Variants in TCAF1 observed in about 807,000 individuals in gnomAD.
TCAF1 encodes the protein TRPM8 channel-associated factor 1.
TCAF1 carries 4 observed loss-of-function variants against 27.3 expected under a neutral mutation model. That is an observed-to-expected ratio of 0.15 (90% CI 0.07 to 0.34). The LOEUF (loss-of-function observed/expected upper bound fraction) is 0.34. TCAF1 is among the 10% of genes least tolerant of loss of function. The pLI is 1.00. For synonymous variants in TCAF1, 105 were observed against 167.1 expected (o/e 0.63, Z 2.87); for missense variants, 257 against 425.8 (o/e 0.60, Z 3.49).
intron 1 of TCAF1, among the ~76,000 whole-genome samples, chr7:143,881,316 A>AT (rs1813007986): frequency 6.6e-6 from 1 of 152,156 alleles, no homozygotes; most frequent in Non-Finnish European, 1.5e-5. Context: ...ACCCAGGATC[A>AT]TTTTTTCAGC....
intron 1 of TCAF1, among the ~76,000 whole-genome samples, chr7:143,884,084 G>A (rs1230715468): frequency 6.6e-6 from 1 of 152,340 alleles, no homozygotes; most frequent in Non-Finnish European, 1.5e-5. Context: ...TAAGGCTTAA[G>A]TTAGGTGAGT....
intron 1 of TCAF1, among the ~76,000 whole-genome samples, chr7:143,886,310 G>C (rs1222014914): frequency 6.6e-6 from 1 of 152,176 alleles, no homozygotes; most frequent in African/African-American, 2.4e-5. Flanking sequence ...CTCTGGAAGA[G>C]ACCATCACAA....
intron 1 of TCAF1, among the ~76,000 whole-genome samples, chr7:143,894,492 T>C (rs1212844549): frequency 1.3e-5 from 2 of 151,840 alleles, no homozygotes; most frequent in South Asian, 2.1e-4. Flanking sequence ...TTTCAATAAG[T>C]AGTTCTTGAT....
intron 1 of TCAF1, among the ~76,000 whole-genome samples, chr7:143,880,608 A>T (rs1299149527): frequency 6.6e-6 from 1 of 152,224 alleles, no homozygotes; most frequent in Non-Finnish European, 1.5e-5. Flanking sequence ...GCATGTAAAC[A>T]CACATTAAAA....
intron 1 of TCAF1, among the ~76,000 whole-genome samples, chr7:143,892,398 AATT>A (rs985406381): frequency 2.6e-5 from 4 of 152,090 alleles, no homozygotes; most frequent in Non-Finnish European, 5.9e-5. Context: ...TAATTTAAAA[AATT>A]ATAATTCAAA....
chr7:143,874,800 T>C (rs1812598765), intron 2 of TCAF1, among the ~76,000 whole-genome samples: 1 of 152,236 alleles, frequency 6.6e-6, no homozygotes, highest in African/African-American at 2.4e-5. Context: ...TTGACTTTTG[T>C]TTCCAAGTCT....
At chr7:143,901,226 T>C (rs1021426608) in intron 1 of TCAF1, among the ~76,000 whole-genome samples, 1 of 152,206 alleles carries the variant, frequency 6.6e-6, no homozygotes, top group Non-Finnish European at 1.5e-5. Flanking sequence ...AAATCACTAG[T>C]TTGGAGGATG....
intron 1 of TCAF1, chr7:143,882,369 G>A (rs1469462210): frequency 1.8e-5 from 18 of 984,818 alleles, no homozygotes; most frequent in Non-Finnish European, 1.2e-6. Context: ...TCAAGCCCCG[G>A]GCCTTCTCAT....
chr7:143,899,394 C>T (rs1299784478), intron 1 of TCAF1, among the ~76,000 whole-genome samples: 1 of 152,250 alleles, frequency 6.6e-6, no homozygotes, highest in African/African-American at 2.4e-5. Flanking sequence ...GGGCTTAAAA[C>T]GAATTCATGC....
At chr7:143,884,255 TACTCCCTTTCCCCATCTCCCTTCA>T (rs1408358227) in intron 1 of TCAF1, among the ~76,000 whole-genome samples, 1 of 152,134 alleles carries the variant, frequency 6.6e-6, no homozygotes, top group African/African-American at 2.4e-5. Context: ...ACCCAAGCCA[TACTCCCTTTCCCCATCTCCCTTCA>T]ACTCCCTTTC....
intron 1 of TCAF1, among the ~76,000 whole-genome samples, chr7:143,878,998 A>C (rs1812868208): frequency 1.3e-5 from 2 of 152,164 alleles, no homozygotes; most frequent in Admixed American, 6.5e-5. Flanking sequence ...GGGACCATCT[A>C]CTGCCTCCTG....
At position 143,876,372 on chromosome 7, in the gene TCAF1, G is replaced by C. The variant is rs112188412; in HGVS notation, c.237C>G (p.Asn79Lys). The C allele has an allele frequency of 6.2e-7, 1 of 1,614,146 alleles. No homozygotes were observed. The highest frequency in any genetic ancestry group is 8.5e-7 in the Non-Finnish European group (1 of 1,180,012). The change falls in exon 2 of 9, where the codon AAC becomes AAG. Residue 79 changes from asparagine to lysine, a missense_variant. By Grantham distance (94) the Asn-to-Lys change is moderately conservative (BLOSUM62 0). This residue lies in a region of TCAF1 where 255 missense variants were observed against 260.1 expected (regional missense o/e 0.98). Coordinates refer to ENST00000479870, the MANE Select transcript of TCAF1 (RefSeq NM_014719.3). ...GGGAAGAGCAAAGCCACCCCACTGC[G>C]TTCAGGAGAAAGGGCGTGAGCTGGG... ...VEAQLTPFLL[N>K]AVGWLCSSPG...
rs1811927299 is a variant in TCAF1, at chr7:143,860,032, TATATA to T, written c.2167+171_2167+175del. 2.5e-5 allele frequency among the ~76,000 whole-genome samples: 2 copies of T among 78,654 alleles called. 1 individual carries two copies. Among genetic ancestry groups the T allele is most frequent in the Non-Finnish European group, 4.6e-5 (2 of 43,184 alleles). The allele number at this position is 78,654 out of a possible 152,430, so 51.6% of individuals were successfully genotyped here. On this transcript the variant is annotated intron_variant, in intron 6 of 8. Coordinates refer to ENST00000479870, the MANE Select transcript of TCAF1 (RefSeq NM_014719.3). ...TATATAATATATATTATATATTATA[TATATA>T]ATATATAATATATATTATATATATT... is the stretch of plus-strand genomic sequence containing the variant.
chr7:143,886,700 C>CTTTTTTTTTTTTTT (rs11398264), intron 1 of TCAF1, among the ~76,000 whole-genome samples: 2 of 89,162 alleles, frequency 2.2e-5, no homozygotes, highest in African/African-American at 5.0e-5. Context: ...CAAATTTTAC[C>CTTTTTTTTTTTTTT]TTTTTTTTTT....
At chr7:143,859,878 T>TATAC (rs1405715950) in intron 6 of TCAF1, among the ~76,000 whole-genome samples, 9 of 32,720 alleles carry the variant, frequency 2.8e-4, no homozygotes, top group African/African-American at 6.7e-4. Flanking sequence ...TATACATATA[T>TATAC]ACATATATAT....
intron 1 of TCAF1, chr7:143,885,348 G>A (rs1354521917): frequency 2.0e-6 from 2 of 985,372 alleles, no homozygotes; most frequent in Non-Finnish European, 1.2e-6. Context: ...TGTGGGGGGA[G>A]GTGGGCTGCA....
intron 1 of TCAF1, chr7:143,882,349 G>A: frequency 2.0e-6 from 2 of 977,332 alleles, no homozygotes; most frequent in South Asian, 9.5e-5. Context: ...CCAGCTACCC[G>A]CGACCCTGCT....
In TCAF1 at chr7:143,852,101, T is replaced by G. The variant is rs1811327275; in HGVS notation, c.*2032A>C. 6.6e-6 allele frequency: 1 copy of G among 151,230 alleles called. No homozygotes were observed. The highest frequency in any genetic ancestry group is 1.9e-4 in the East Asian group (1 of 5,170). 9.4% of individuals were successfully genotyped at this position (151,230 alleles called of 1,614,324 possible). A position where few individuals can be genotyped will look rare whatever the true frequency, so the allele number is the denominator to read the frequency against. On this transcript the variant is annotated 3_prime_UTR_variant, in exon 9 of 9. Coordinates refer to ENST00000479870, the MANE Select transcript of TCAF1 (RefSeq NM_014719.3). ...CATGCCTGTGCCATAGAAAAGGAAATGTACCTATCAAGCCTCTTCTTATTC... is the reference window on the plus strand; with the variant it reads ...CATGCCTGTGCCATAGAAAAGGAAAGGTACCTATCAAGCCTCTTCTTATTC...
At chr7:143,867,552 TA>T (rs1342855285) in intron 2 of TCAF1, among the ~76,000 whole-genome samples, 1 of 150,376 alleles carries the variant, frequency 6.6e-6, no homozygotes, top group Non-Finnish European at 1.5e-5. Flanking sequence ...GTATTGCAAA[TA>T]TTTTTTTTTC....
Sources: allele counts gnomAD v4.1 joint callset (sites outside exome capture counted in the v4.1 genomes callset), GRCh38; gene constraint gnomAD v4.1.1; regional missense constraint gnomAD v4.1.1; transcripts MANE v1.5; gene names NCBI Gene and HGNC (gene_info 2026-07-23, HGNC 2026-07-21).